ANO6: variants seen among roughly 807,000 people sequenced by gnomAD.
ANO6 encodes anoctamin-6.
ANO6 carries 106 observed loss-of-function variants against 117.5 expected under a neutral mutation model. That is an observed-to-expected ratio of 0.90 (90% CI 0.77 to 1.06). The LOEUF is 1.06. Among genes scored for constraint, ANO6 ranks in the 50% least tolerant of loss-of-function variants. The pLI is 0.00. For missense variants in ANO6, 955 were observed against 1,121.1 expected (o/e 0.85, Z 2.12); for synonymous variants, 367 against 385.1 (o/e 0.95, Z 0.55).
rs1442886700 is a variant in ANO6 at position 45,292,967 on chromosome 12, G to A, written c.71-9047G>A. ...CATGTTCCTATTTGGTGAGTTGCTG[G>A]AACAGTGAGCAGTGGGCAGAGTGCC... On this transcript the variant is annotated intron_variant, in intron 1 of 19. Transcript: ENST00000320560. The A allele has an allele frequency of 3.9e-6, 6 of 1,551,024 alleles. No homozygotes were observed. In the African/African-American group the frequency reaches 8.2e-5, roughly 21 times the overall value.
intron 2 of ANO6, among the ~76,000 whole-genome samples, chr12:45,312,300 G>C (rs1384781039): frequency 1.3e-5 from 2 of 152,042 alleles, no homozygotes; most frequent in Admixed American, 6.6e-5. Context: ...TTAAAGTTGA[G>C]AGTTTGCTGG....
chr12:45,318,184 A>G (rs547806374), intron 2 of ANO6, among the ~76,000 whole-genome samples: 1 of 152,274 alleles, frequency 6.6e-6, no homozygotes, highest in South Asian at 2.1e-4. Context: ...TGTTTTAGAC[A>G]TGAAGTCCCT....
intron 2 of ANO6, among the ~76,000 whole-genome samples, chr12:45,316,314 A>G (rs1940023356): frequency 6.6e-6 from 1 of 152,096 alleles, no homozygotes; most frequent in African/African-American, 2.4e-5. Flanking sequence ...CTCAACAATT[A>G]AAGTTGTGAG....
intron 2 of ANO6, chr12:45,313,647 C>CA: frequency 6.6e-6 from 1 of 152,046 alleles, no homozygotes; most frequent in East Asian, 1.9e-4. Context: ...GAAGAGCAGG[C>CA]AAGAGCTTTG....
chr12:45,226,984 CTTTTTTTTT>C lies in ANO6; in HGVS notation c.70+10606_70+10614del, dbSNP rs906373347. ...AAAAATTAACAAAAATTATCATTTT[CTTTTTTTTT>C]TTTTTTTTTTTTGAAGATGGAGTCT... On this transcript the variant is annotated intron_variant, in intron 1 of 19. Transcript: ENST00000320560. Among the ~76,000 whole-genome samples the C allele has an allele frequency of 1.2e-4, 13 of 112,758 alleles. No homozygotes were observed. In the East Asian group the frequency reaches 3.1e-3, roughly 27 times the overall value. 74.0% of individuals were successfully genotyped at this position (112,758 alleles called of 152,430 possible).
intron 1 of ANO6, among the ~76,000 whole-genome samples, chr12:45,276,076 G>A (rs895125822): frequency 2.0e-5 from 3 of 152,032 alleles, no homozygotes; most frequent in South Asian, 4.1e-4. Flanking sequence ...CTGCCTCTGC[G>A]CTCTGTGTCT....
At chr12:45,402,542 G>T (rs12581525) in intron 13 of ANO6, among the ~76,000 whole-genome samples, 2,429 of 152,210 alleles carry the variant, frequency 0.016, 56 homozygotes, top group East Asian at 0.098. Flanking sequence ...CACTGCATAC[G>T]TCTGAGTCGT....
At chr12:45,338,793 CAA>C (rs1311115400) in intron 3 of ANO6, among the ~76,000 whole-genome samples, 2 of 151,266 alleles carry the variant, frequency 1.3e-5, no homozygotes, top group African/African-American at 4.9e-5. Flanking sequence ...TTCTTATTTC[CAA>C]AATGGGAAGT....
At chr12:45,360,858 A>T (rs1311266822) in intron 8 of ANO6, among the ~76,000 whole-genome samples, 2 of 152,176 alleles carry the variant, frequency 1.3e-5, no homozygotes, top group Admixed American at 6.5e-5. Flanking sequence ...CTGTTTAATT[A>T]TCTTGGCACC....
chr12:45,216,259 C>G lies in ANO6; in HGVS notation c.-63C>G. On this transcript the variant is annotated 5_prime_UTR_variant, in exon 1 of 20. Coordinates refer to ENST00000320560, the MANE Select transcript of ANO6 (RefSeq NM_001025356.3). ...CGATCCGGCCCCTGGGAGAGCCGCG[C>G]CGTTCTGGAACCCGGGAGCCCCCAA... 3 of 1,547,210 alleles carry G rather than the reference C, an allele frequency of 1.9e-6. No individual in the cohort carries two copies. The highest frequency in any genetic ancestry group is 2.6e-6 in the Non-Finnish European group (3 of 1,140,104).
rs1947462187 is a variant in ANO6, at chr12:45,225,165, G to A, written c.70+8774G>A. Among the ~76,000 whole-genome samples the A allele has an allele frequency of 4.2e-5, 6 of 142,480 alleles. No individual in the cohort carries two copies. In the Middle Eastern group the frequency reaches 0.019, roughly 457 times the overall value. The allele number at this position is 142,480 out of a possible 152,430, so 93.5% of individuals were successfully genotyped here. A position where few individuals can be genotyped will look rare whatever the true frequency, so the allele number is the denominator to read the frequency against. Reference sequence around the variant, plus strand: ...ATTGTGCCACTGCAGTCCAGCCTGGGCAACAGAGACCCTGTCTCAAAAAAA... The same window carrying A: ...ATTGTGCCACTGCAGTCCAGCCTGGACAACAGAGACCCTGTCTCAAAAAAA... On this transcript the variant is annotated intron_variant, in intron 1 of 19. Transcript: ENST00000320560.
chr12:45,426,486 C>G (rs1468825959), intron 19 of ANO6, among the ~76,000 whole-genome samples: 2 of 152,150 alleles, frequency 1.3e-5, no homozygotes, highest in Non-Finnish European at 2.9e-5. Flanking sequence ...ATTCCTCTAT[C>G]TTTCTATCAT....
At chr12:45,370,867 C>T (rs1040466855) in intron 9 of ANO6, among the ~76,000 whole-genome samples, 4 of 152,034 alleles carry the variant, frequency 2.6e-5, no homozygotes, top group South Asian at 2.1e-4. Flanking sequence ...CCAAGATGGC[C>T]GAATAGGAAC....
chr12:45,402,122 A>G (rs1592022047), intron 13 of ANO6, 102 bp downstream of exon 13: 1 of 958,420 alleles, frequency 1.0e-6, no homozygotes, highest in South Asian at 1.5e-5. Flanking sequence ...GTAGGTTACA[A>G]TTTTTAGAAA....
intron 1 of ANO6, among the ~76,000 whole-genome samples, chr12:45,222,072 C>T (rs1279441505): frequency 4.0e-5 from 6 of 151,478 alleles, no homozygotes; most frequent in South Asian, 2.1e-4. Context: ...TTAATAGAGG[C>T]GGGGTTTCAC....
chr12:45,297,301 T>C (rs1032054792), intron 1 of ANO6, among the ~76,000 whole-genome samples: 1 of 152,228 alleles, frequency 6.6e-6, no homozygotes, highest in African/African-American at 2.4e-5. Flanking sequence ...TGCCTAATTC[T>C]GATTATCTTT....
intron 9 of ANO6, among the ~76,000 whole-genome samples, chr12:45,376,846 G>A (rs1942037671): frequency 6.8e-6 from 1 of 147,114 alleles, no homozygotes; most frequent in African/African-American, 2.5e-5. Context: ...AAAACTTAAA[G>A]TATAATAATA....
At chr12:45,342,476 C>A (rs983367087) in intron 3 of ANO6, among the ~76,000 whole-genome samples, 1 of 152,108 alleles carries the variant, frequency 6.6e-6, no homozygotes, top group African/African-American at 2.4e-5. Context: ...GCTGTGGATG[C>A]CCCTATGCTC....
intron 1 of ANO6, among the ~76,000 whole-genome samples, chr12:45,257,585 G>A (rs971613077): frequency 6.6e-6 from 1 of 152,062 alleles, no homozygotes; most frequent in African/African-American, 2.4e-5. Context: ...CTTTTTGCTC[G>A]ATGTCCTTTA....
Sources: gnomAD v4.1 joint callset for allele counts (sites outside exome capture counted in the v4.1 genomes callset) on GRCh38, gnomAD v4.1.1 for gene constraint, MANE v1.5 for transcripts, NCBI Gene and HGNC (gene_info 2026-07-23, HGNC 2026-07-21) for gene names.